FRYL: variants seen among roughly 807,000 people sequenced by gnomAD.
FRYL encodes FRY like transcription coactivator.
Under a neutral mutation model 351.2 loss-of-function variants are expected in FRYL, and 150 were observed. That is an observed-to-expected ratio of 0.43 (90% CI 0.37 to 0.49). The LOEUF (loss-of-function observed/expected upper bound fraction) is 0.49, where lower values mean the gene tolerates loss of function less well. FRYL is among the 20% of genes least tolerant of loss of function. The pLI is 0.00. For missense variants in FRYL, 3,036 were observed against 3,619.3 expected (o/e 0.84, Z 4.13); for synonymous variants, 1,153 against 1,257.1 (o/e 0.92, Z 1.75).
intron 50 of FRYL, among the ~76,000 whole-genome samples, chr4:48,529,418 T>C (rs1321155306): frequency 6.6e-6 from 1 of 152,204 alleles, no homozygotes; most frequent in Non-Finnish European, 1.5e-5. Flanking sequence ...ATAAAATGTT[T>C]TGAGAATTTG....
chr4:48,675,490 C>T (rs1050744463), intron 3 of FRYL, among the ~76,000 whole-genome samples: 1 of 152,246 alleles, frequency 6.6e-6, no homozygotes, highest in Non-Finnish European at 1.5e-5. Context: ...CCCGGGCCAG[C>T]GGCTGCGGAG....
At chr4:48,656,349 T>TACTAAATATATTATATAATATAG (rs1759061755) in intron 3 of FRYL, among the ~76,000 whole-genome samples, 1 of 135,816 alleles carries the variant, frequency 7.4e-6, no homozygotes, top group East Asian at 2.1e-4. Context: ...ATATAATATA[T>TACTAAATATATTATATAATATAG]ACTAAATATA....
chr4:48,637,654 A>G (rs1431128332), intron 3 of FRYL: 2 of 152,128 alleles, frequency 1.3e-5, no homozygotes, highest in African/African-American at 2.4e-5. Context: ...ACTGCTAATA[A>G]TAAGAATAAA....
chr4:48,695,367 T>C (rs1766057140), intron 2 of FRYL, among the ~76,000 whole-genome samples: 1 of 152,184 alleles, frequency 6.6e-6, no homozygotes, highest in Admixed American at 6.5e-5. Flanking sequence ...TACGCATATA[T>C]GTAAAGGTCT....
intron 1 of FRYL, among the ~76,000 whole-genome samples, chr4:48,743,306 G>C (rs1238991568): frequency 6.6e-6 from 1 of 151,954 alleles, no homozygotes; most frequent in East Asian, 1.9e-4. Flanking sequence ...TCCAGAATCA[G>C]AACTATAACA....
chr4:48,619,823 T>C (rs1750291199), intron 6 of FRYL, among the ~76,000 whole-genome samples: 1 of 152,178 alleles, frequency 6.6e-6, no homozygotes, highest in Admixed American at 6.6e-5. Context: ...ATCCAACATA[T>C]GCAAAAACAT....
At chr4:48,515,419 G>C (rs190802307) in intron 55 of FRYL, 144 bp from the exon 56 acceptor site, 3 of 629,456 alleles carry the variant, frequency 4.8e-6, no homozygotes, top group African/African-American at 1.8e-5. Flanking sequence ...CTGGAGTGGA[G>C]TGCAATGGCG....
At chr4:48,689,221 G>C (rs1765465250) in intron 2 of FRYL, among the ~76,000 whole-genome samples, 2 of 152,158 alleles carry the variant, frequency 1.3e-5, no homozygotes, top group Admixed American at 1.3e-4. Flanking sequence ...TTGATCTAAT[G>C]AAAACAAGCA....
intron 30 of FRYL, 69 bp downstream of exon 30, chr4:48,564,864 A>G (rs1384907666): frequency 3.8e-6 from 3 of 781,990 alleles, no homozygotes; most frequent in Admixed American, 2.4e-5. Context: ...TTTTTAGTGC[A>G]ACATACATTA....
intron 5 of FRYL, among the ~76,000 whole-genome samples, chr4:48,621,256 A>C (rs1275097097): frequency 1.3e-5 from 2 of 152,242 alleles, no homozygotes; most frequent in Non-Finnish European, 2.9e-5. Context: ...ATGCTATGAC[A>C]AAGAGGAGAA....
intron 31 of FRYL, among the ~76,000 whole-genome samples, chr4:48,563,736 G>A (rs1314529564): frequency 1.3e-5 from 2 of 151,416 alleles, no homozygotes; most frequent in Admixed American, 6.6e-5. Flanking sequence ...TATACGGGAG[G>A]ATTTGCATAG....
intron 4 of FRYL, among the ~76,000 whole-genome samples, chr4:48,627,843 C>T (rs1578415529): frequency 6.6e-6 from 1 of 152,294 alleles, no homozygotes; most frequent in East Asian, 1.9e-4. Flanking sequence ...ATGATCTCAG[C>T]TTACTGCAAC....
intron 4 of FRYL, among the ~76,000 whole-genome samples, chr4:48,624,623 T>C (rs1333381667): frequency 6.6e-6 from 1 of 152,182 alleles, no homozygotes; most frequent in Non-Finnish European, 1.5e-5. Flanking sequence ...GTAAAGAAAA[T>C]CTTGGACAAA....
At chr4:48,770,203 A>G (rs932510076) in intron 1 of FRYL, among the ~76,000 whole-genome samples, 1 of 152,190 alleles carries the variant, frequency 6.6e-6, no homozygotes, top group African/African-American at 2.4e-5. Flanking sequence ...GAGAAGCTGA[A>G]TGAAGGTGAC....
At chr4:48,646,508 C>T (rs1002793077) in intron 3 of FRYL, among the ~76,000 whole-genome samples, 1 of 152,190 alleles carries the variant, frequency 6.6e-6, no homozygotes, top group Non-Finnish European at 1.5e-5. Flanking sequence ...TATCACACAT[C>T]AACAGACTAG....
At chr4:48,679,706 A>T (rs562579119) in intron 3 of FRYL, among the ~76,000 whole-genome samples, 71 of 152,174 alleles carry the variant, frequency 4.7e-4, no homozygotes, top group Middle Eastern at 3.4e-3. Flanking sequence ...CAAAGAAATG[A>T]TAAATGTCTG....
chr4:48,555,512 G>A, intron 35 of FRYL, among the ~76,000 whole-genome samples: 1 of 152,202 alleles, frequency 6.6e-6, no homozygotes, highest in East Asian at 1.9e-4. Flanking sequence ...AGAAGTCCCA[G>A]TGGGCACTGC....
intron 44 of FRYL, among the ~76,000 whole-genome samples, chr4:48,542,400 T>A (rs185842738): frequency 2.0e-5 from 3 of 152,154 alleles, no homozygotes. Flanking sequence ...CCAGCAAGTC[T>A]TGAAAATATT....
intron 62 of FRYL, 103 bp downstream of exon 62, chr4:48,501,518 TCA>T: frequency 1.4e-6 from 1 of 697,734 alleles, no homozygotes; most frequent in African/African-American, 1.8e-5. Context: ...GAAAAAAGAC[TCA>T]CTCTAAGTGA....
Sources: allele counts gnomAD v4.1 joint callset (sites outside exome capture counted in the v4.1 genomes callset), GRCh38; gene constraint gnomAD v4.1.1; transcripts MANE v1.5; gene names NCBI Gene and HGNC (gene_info 2026-07-23, HGNC 2026-07-21).